Variants in TRABD2B observed in about 807,000 individuals in gnomAD.
TRABD2B encodes TraB domain containing 2B.
In TRABD2B, 14 loss-of-function variants were observed where a neutral mutation model predicts 40.1. The observed-to-expected ratio is 0.35, with a 90% CI of 0.23 to 0.55. The LOEUF (loss-of-function observed/expected upper bound fraction) is 0.55. Among genes scored for constraint, TRABD2B ranks in the 20% least tolerant of loss-of-function variants. The pLI is 0.90. For synonymous variants in TRABD2B, 263 were observed against 277.0 expected (o/e 0.95, Z 0.50); for missense variants, 541 against 648.6 (o/e 0.83, Z 1.80).
intron 2 of TRABD2B, among the ~76,000 whole-genome samples, chr1:47,862,694 A>C (rs891813528): frequency 1.3e-5 from 2 of 152,200 alleles, no homozygotes; most frequent in African/African-American, 4.8e-5. Context: ...AATCCTAATC[A>C]AAATCCCACC....
At chr1:47,780,126 C>T (rs1249957593) in intron 4 of TRABD2B, among the ~76,000 whole-genome samples, 1 of 152,178 alleles carries the variant, frequency 6.6e-6, no homozygotes, top group East Asian at 1.9e-4. Context: ...CTGACCATGC[C>T]TGACTATGTG....
At chr1:47,837,870 T>C (rs996838854) in intron 2 of TRABD2B, among the ~76,000 whole-genome samples, 2 of 152,212 alleles carry the variant, frequency 1.3e-5, no homozygotes, top group African/African-American at 2.4e-5. Context: ...CAGATACTAT[T>C]ATAGCCCATG....
chr1:47,934,546 G>A (rs1180378050), intron 2 of TRABD2B, among the ~76,000 whole-genome samples: 2 of 152,212 alleles, frequency 1.3e-5, no homozygotes, highest in African/African-American at 2.4e-5. Flanking sequence ...ATCTCCCCTC[G>A]CGTGAGCAGC....
intron 2 of TRABD2B, among the ~76,000 whole-genome samples, chr1:47,915,061 G>A (rs950341179): frequency 2.0e-5 from 3 of 152,258 alleles, no homozygotes; most frequent in Admixed American, 2.0e-4. Context: ...GGCACCTGAA[G>A]CATAAGGAGG....
rs545503282 is a variant in TRABD2B at position 47,910,333 on chromosome 1, C to T, written c.666+83701G>A. Among the ~76,000 whole-genome samples the T allele has an allele frequency of 2.6e-5, 4 of 152,310 alleles. No individual in the cohort carries two copies. The South Asian group carries it at 8.3e-4, about 32-fold the overall frequency. On this transcript the variant is annotated intron_variant, in intron 2 of 6. Transcript: ENST00000606738. Reference sequence around the variant, plus strand: ...CCAATTCATCCTCTAGGACAGACTTCCCTAAAACCTGACTCCTCAGAAGGC... The same window carrying T: ...CCAATTCATCCTCTAGGACAGACTTTCCTAAAACCTGACTCCTCAGAAGGC...
intron 2 of TRABD2B, among the ~76,000 whole-genome samples, chr1:47,854,439 T>C (rs778648607): frequency 6.6e-5 from 10 of 152,212 alleles, no homozygotes; most frequent in Non-Finnish European, 1.2e-4. Context: ...TAAGGCTTTT[T>C]TCCTTTGAGG....
rs138233236 is a variant in TRABD2B, at chr1:47,800,050, C to T, written c.813+1423G>A. Among the ~76,000 whole-genome samples the T allele has an allele frequency of 1.7e-4, 26 of 151,800 alleles. 1 individual carries two copies. The East Asian group carries it at 4.5e-3, about 26-fold the overall frequency. ...TTCCTTCCTTCATTCATTCATTCAGCAAATGTTTACTGAGTCCAGCTCTGG... is the reference window on the plus strand; with the variant it reads ...TTCCTTCCTTCATTCATTCATTCAGTAAATGTTTACTGAGTCCAGCTCTGG... On this transcript the variant is annotated intron_variant, in intron 3 of 6. Coordinates refer to ENST00000606738, the MANE Select transcript of TRABD2B (RefSeq NM_001194986.2).
chr1:47,946,497 TGGG>T (rs764832910), intron 2 of TRABD2B, among the ~76,000 whole-genome samples: 10 of 152,202 alleles, frequency 6.6e-5, no homozygotes, highest in Non-Finnish European at 1.5e-4. Flanking sequence ...GATGATCATA[TGGG>T]TTTTTCTTCT....
chr1:47,819,127 C>T (rs1645073431), intron 2 of TRABD2B: 6 of 152,328 alleles, frequency 3.9e-5, no homozygotes, highest in Admixed American at 3.9e-4. Context: ...GGCATTTAGC[C>T]TCCAATACAA....
intron 2 of TRABD2B, among the ~76,000 whole-genome samples, chr1:47,987,568 T>A (rs552875934): frequency 4.9e-4 from 75 of 152,286 alleles, no homozygotes; most frequent in African/African-American, 1.8e-3. Flanking sequence ...AGCTATCCTG[T>A]GCTCCTGCTT....
chr1:47,777,526 T>G (rs1276539972), intron 5 of TRABD2B, among the ~76,000 whole-genome samples: 2 of 152,196 alleles, frequency 1.3e-5, no homozygotes, highest in Non-Finnish European at 2.9e-5. Flanking sequence ...TGTGTCCTTC[T>G]GCAAGTGACT....
chr1:47,988,056 G>A (rs965808385), intron 2 of TRABD2B, among the ~76,000 whole-genome samples: 10 of 152,226 alleles, frequency 6.6e-5, no homozygotes, highest in African/African-American at 1.2e-4. Flanking sequence ...TCTAAGGAGC[G>A]CACATAGATC....
rs79840604 is a variant in TRABD2B at position 47,893,079 on chromosome 1, T to G, written c.667-91460A>C. ...TGAGGTCAGTGGTGAGACAGGTCTA[T>G]GTCCAGACGCAGTGTCATCTGGCCA... On this transcript the variant is annotated intron_variant, in intron 2 of 6. Transcript: ENST00000606738. Among the ~76,000 whole-genome samples, 42 of 152,332 alleles carry G rather than the reference T, an allele frequency of 2.8e-4. No individual in the cohort carries two copies. The East Asian group carries it at 7.7e-3, about 28-fold the overall frequency.
chr1:47,875,697 AAAAG>A (rs1284191437), intron 2 of TRABD2B, among the ~76,000 whole-genome samples: 11 of 145,928 alleles, frequency 7.5e-5, no homozygotes, highest in African/African-American at 2.6e-4. Context: ...AAAAAAAAAA[AAAAG>A]AAGAAGGAAA....
At chr1:47,792,166 C>T (rs900129267) in intron 4 of TRABD2B, among the ~76,000 whole-genome samples, 1 of 152,186 alleles carries the variant, frequency 6.6e-6, no homozygotes, top group African/African-American at 2.4e-5. Context: ...TTCATGAGAG[C>T]GGAGGTGAGT....
chr1:47,970,247 G>A (rs1645662188), intron 2 of TRABD2B, among the ~76,000 whole-genome samples: 1 of 151,620 alleles, frequency 6.6e-6, no homozygotes, highest in African/African-American at 2.4e-5. Context: ...TCAGGCTCTG[G>A]AGTTCAGTGG....
At chr1:47,800,515 G>C (rs1175071367) in intron 3 of TRABD2B, among the ~76,000 whole-genome samples, 1 of 152,064 alleles carries the variant, frequency 6.6e-6, no homozygotes, top group Non-Finnish European at 1.5e-5. Flanking sequence ...AAAGTGACAG[G>C]GTAGGGAGAG....
At chr1:47,800,233 T>C (rs1355499852) in intron 3 of TRABD2B, among the ~76,000 whole-genome samples, 3 of 152,038 alleles carry the variant, frequency 2.0e-5, no homozygotes, top group South Asian at 4.1e-4. Context: ...GCAAAGGCCA[T>C]GGGGAAAAAA....
At chr1:47,884,300 T>C (rs975481143) in intron 2 of TRABD2B, among the ~76,000 whole-genome samples, 1 of 152,252 alleles carries the variant, frequency 6.6e-6, no homozygotes, top group African/African-American at 2.4e-5. Context: ...TGTGGAATTT[T>C]CCTGTCCTTT....
Sources: allele counts gnomAD v4.1 joint callset (sites outside exome capture counted in the v4.1 genomes callset), GRCh38; gene constraint gnomAD v4.1.1; transcripts MANE v1.5; gene names NCBI Gene and HGNC (gene_info 2026-07-23, HGNC 2026-07-21).